The following MS4A10 variants were observed in gnomAD, a reference collection of about 807,000 sequenced individuals.
MS4A10 encodes the protein membrane-spanning 4-domains subfamily A member 10.
MS4A10 carries 27 observed loss-of-function variants against 27.7 expected under a neutral mutation model. The ratio of observed to expected loss-of-function variants is 0.98; its 90% CI spans 0.72 to 1.35. The LOEUF (loss-of-function observed/expected upper bound fraction) is 1.35. MS4A10 is among the 40% of genes most tolerant of loss of function. MS4A10 has a pLI of 0.00. For missense variants in MS4A10, 338 were observed against 324.7 expected, an observed-to-expected ratio of 1.04 and a Z score of -0.32; for synonymous variants, 139 against 131.2, an observed-to-expected ratio of 1.06 and a Z score of -0.41.
At chr11:60,789,421 C>T (rs1249036448) in intron 1 of MS4A10, among the ~76,000 whole-genome samples, 4 of 152,216 alleles carry the variant, frequency 2.6e-5, no homozygotes, top group African/African-American at 7.2e-5. Flanking sequence ...CATCCCACGG[C>T]GTCAGTATAC....
intron 6 of MS4A10, among the ~76,000 whole-genome samples, chr11:60,798,057 C>T (rs1187326774): frequency 6.6e-6 from 1 of 152,216 alleles, no homozygotes; most frequent in Non-Finnish European, 1.5e-5. Context: ...TAGAGTGTAT[C>T]CTGGCTAGAA....
chr11:60,790,086 G>A (rs1854402949), intron 1 of MS4A10, among the ~76,000 whole-genome samples: 1 of 152,166 alleles, frequency 6.6e-6, no homozygotes, highest in Non-Finnish European at 1.5e-5. Context: ...GCCCCAAAAG[G>A]AGCTGTGTCT....
chr11:60,798,557 C>A (rs370510788), intron 7 of MS4A10, 43 bp downstream of exon 7: 2 of 1,454,634 alleles, frequency 1.4e-6, no homozygotes, highest in Admixed American at 1.7e-5. Context: ...TCAGAACCCA[C>A]GCTTGGCCCC....
At chr11:60,796,229 A>T (rs896089494) in intron 6 of MS4A10, among the ~76,000 whole-genome samples, 1 of 152,200 alleles carries the variant, frequency 6.6e-6, no homozygotes, top group African/African-American at 2.4e-5. Flanking sequence ...GTATGGATGG[A>T]TATAGACGTG....
chr11:60,795,650 C>T lies in MS4A10; in HGVS notation c.588C>T (p.Asp196=). 6.3e-7 allele frequency: 1 copy of T among 1,581,208 alleles called. No homozygotes were observed. The highest frequency in any genetic ancestry group is 8.6e-7 in the Non-Finnish European group (1 of 1,163,950). Residue 196 remains aspartate (D), a synonymous_variant, in exon 6 of 8, where the codon GAC becomes GAT. Transcript: ENST00000308287. ...CAGCTGTCACAGCCTGGAGAGGGGA[C>T]TGCCCATCTGCAAAGGTAAGACAAG... ...VPTAVTAWRG[D]CPSAKNDDAC... is the part of the protein sequence containing the mutation.
In MS4A10 at chr11:60,791,081, G is replaced by A. The variant is rs554585564; in HGVS notation, c.291G>A (p.Trp97Ter). 2 of 1,614,042 alleles carry A rather than the reference G, an allele frequency of 1.2e-6. No individual in the cohort carries two copies. Among genetic ancestry groups the A allele is most frequent in the South Asian group, 1.1e-5 (1 of 91,066 alleles). The part of the protein sequence containing the change: ...LVVLKSWYPF[W>*]GAASFLISGI... ...TGCTGAAGTCTTGGTATCCATTCTG[G>A]GGGGCTGCCTCTGTGAGTAGAAGGC... is the stretch of plus-strand genomic sequence containing the variant. The change falls in exon 3 of 8, where the codon TGG (tryptophan) becomes TGA (stop). Residue 97 changes from tryptophan (W) to a stop codon, truncating the protein, a stop_gained. Transcript: ENST00000308287. LOFTEE classifies it high-confidence loss of function.
chr11:60,790,861 C>A lies in MS4A10; in HGVS notation c.184-113C>A, dbSNP rs992030243. The A allele has an allele frequency of 2.8e-6, 4 of 1,429,372 alleles. No individual in the cohort carries two copies. The Admixed American group carries it at 6.4e-5, about 23-fold the overall frequency. The allele number at this position is 1,429,372 out of a possible 1,614,324, so 88.5% of individuals were successfully genotyped here. A position where few individuals can be genotyped will look rare whatever the true frequency, so the allele number is the denominator to read the frequency against. Reference sequence around the variant, plus strand: ...TCTTAGAGAGCCTGGTCTCTGGGATCCCTAAGAGGACAGAAGGGACTCACC... The same window carrying A: ...TCTTAGAGAGCCTGGTCTCTGGGATACCTAAGAGGACAGAAGGGACTCACC... On this transcript the variant is annotated intron_variant, in intron 2 of 7. Transcript: ENST00000308287.
intron 1 of MS4A10, among the ~76,000 whole-genome samples, chr11:60,787,400 G>A (rs560265017): frequency 3.9e-5 from 6 of 152,300 alleles, no homozygotes; most frequent in African/African-American, 9.6e-5. Context: ...TTGGAAAGGC[G>A]TACGAGAGAG....
chr11:60,800,064 G>C lies in MS4A10; in HGVS notation c.*155G>C. Reference sequence around the variant, plus strand: ...AGCCCTCACAGCTCCTGGGAACGCTGTCCTCTCAGATAAGCCATTTCTTAC... The same window carrying C: ...AGCCCTCACAGCTCCTGGGAACGCTCTCCTCTCAGATAAGCCATTTCTTAC... On this transcript the variant is annotated 3_prime_UTR_variant, in exon 8 of 8. Transcript: ENST00000308287. 4 of 1,087,228 alleles carry C rather than the reference G, an allele frequency of 3.7e-6. No individual in the cohort carries two copies. Among genetic ancestry groups the C allele is most frequent in the Non-Finnish European group, 5.3e-6 (4 of 756,190 alleles). 67.3% of individuals were successfully genotyped at this position (1,087,228 alleles called of 1,614,324 possible). A position where few individuals can be genotyped will look rare whatever the true frequency, so the allele number is the denominator to read the frequency against.
In MS4A10 at chr11:60,793,985, T is replaced by G. The variant is rs778145847; in HGVS notation, c.374T>G (p.Leu125Arg). 6.2e-7 allele frequency: 1 copy of G among 1,614,124 alleles called. No homozygotes were observed. Among genetic ancestry groups the G allele is most frequent in the Non-Finnish European group, 8.5e-7 (1 of 1,180,026 alleles). ...TTTCACCTATAGAAGATGTTGTGCC[T>G]GATGACAAACCTCATCAGCCTCTTT... ...FSKTYLKMLCLMTNLISLFCV... is the reference protein window; with the variant it reads ...FSKTYLKMLCRMTNLISLFCV... The change falls in exon 5 of 8, where the codon CTG (leucine) becomes CGG (arginine). Residue 125 changes from leucine (L) to arginine (R), a missense_variant. Physicochemically the swap from Leu to Arg is moderately radical, Grantham distance 102. Coordinates refer to ENST00000308287, the MANE Select transcript of MS4A10 (RefSeq NM_206893.4).
intron 1 of MS4A10, among the ~76,000 whole-genome samples, chr11:60,788,200 A>G (rs1440249903): frequency 1.3e-5 from 2 of 152,072 alleles, no homozygotes; most frequent in African/African-American, 4.8e-5. Context: ...TGACCATGGA[A>G]CCCTTTTACT....
rs10750942 is a variant in MS4A10 at position 60,800,246 on chromosome 11, G to A, written c.*337G>A. Reference sequence around the variant, plus strand: ...GCTCACTGCAATCTCCGCCTCCCTGGTTCAAGTGATTCTCCTATCTCAGCC... The same window carrying A: ...GCTCACTGCAATCTCCGCCTCCCTGATTCAAGTGATTCTCCTATCTCAGCC... On this transcript the variant is annotated 3_prime_UTR_variant, in exon 8 of 8. Coordinates refer to ENST00000308287, the MANE Select transcript of MS4A10 (RefSeq NM_206893.4). The A allele has an allele frequency of 0.47, 114,354 of 242,278 alleles. 28,628 individuals carry two copies. Among genetic ancestry groups the A allele is most frequent in the East Asian group, 0.84 (9,709 of 11,612 alleles). The allele number at this position is 242,278 out of a possible 1,614,324, so 15.0% of individuals were successfully genotyped here.
intron 1 of MS4A10, among the ~76,000 whole-genome samples, chr11:60,786,156 C>T (rs879806823): frequency 6.7e-6 from 1 of 149,716 alleles, no homozygotes; most frequent in Non-Finnish European, 1.5e-5. Context: ...CATGCATGCA[C>T]ATGCATGCAC....
At chr11:60,798,749 G>A (rs1854576245) in intron 7 of MS4A10, among the ~76,000 whole-genome samples, 2 of 152,224 alleles carry the variant, frequency 1.3e-5, no homozygotes, top group Admixed American at 1.3e-4. Context: ...TGACTTGGTT[G>A]ACCAGAACTA....
At chr11:60,788,812 C>A (rs185491684) in intron 1 of MS4A10, among the ~76,000 whole-genome samples, 1 of 152,204 alleles carries the variant, frequency 6.6e-6, no homozygotes, top group Non-Finnish European at 1.5e-5. Context: ...AGAGCACTGG[C>A]GATGGAGTAA....
In MS4A10 at chr11:60,798,449, G is replaced by A. The variant is rs778879291; in HGVS notation, c.657G>A (p.Pro219=). 25 of 1,614,006 alleles carry A rather than the reference G, an allele frequency of 1.5e-5. No individual in the cohort carries two copies. Among genetic ancestry groups the A allele is most frequent in the South Asian group, 2.2e-5 (2 of 91,086 alleles). Reference sequence around the variant, plus strand: ...CACCATTGCATCTCAAAGGCCTGCCGGTGGAGCCCCCGCCATCCTACCAGA... The same window carrying A: ...CACCATTGCATCTCAAAGGCCTGCCAGTGGAGCCCCCGCCATCCTACCAGA... ...PNTPLHLKGL[P]VEPPPSYQSV... Residue 219 remains proline, a synonymous_variant, in exon 7 of 8, where the codon CCG becomes CCA. Transcript: ENST00000308287.
At chr11:60,786,679 G>A (rs560598351) in intron 1 of MS4A10, among the ~76,000 whole-genome samples, 7 of 150,996 alleles carry the variant, frequency 4.6e-5, no homozygotes, top group African/African-American at 1.7e-4. Flanking sequence ...TGATAGGGAT[G>A]GGGTGTACCA....
At chr11:60,786,626 G>A (rs1854343903) in intron 1 of MS4A10, among the ~76,000 whole-genome samples, 1 of 151,590 alleles carries the variant, frequency 6.6e-6, no homozygotes, top group African/African-American at 2.4e-5. Flanking sequence ...CTCTCCCCCT[G>A]TAAGCAGGAT....
chr11:60,795,509 C>T, intron 5 of MS4A10, 46 bp from the exon 6 acceptor site: 1 of 1,333,666 alleles, frequency 7.5e-7, no homozygotes, highest in African/African-American at 1.5e-5. Context: ...TGCGTGCAGA[C>T]ACCCAGCGAG....
Sources: allele counts gnomAD v4.1 joint callset (sites outside exome capture counted in the v4.1 genomes callset), GRCh38; gene constraint gnomAD v4.1.1; transcripts MANE v1.5; gene names NCBI Gene and HGNC (gene_info 2026-07-23, HGNC 2026-07-21).